GPC5: variants seen among roughly 807,000 people sequenced by gnomAD.
GPC5 encodes glypican-5.
Under a neutral mutation model 53.9 loss-of-function variants are expected in GPC5, and 47 were observed. The ratio of observed to expected loss-of-function variants is 0.87; its 90% CI spans 0.69 to 1.11. The LOEUF (loss-of-function observed/expected upper bound fraction) is 1.11, where lower values mean the gene tolerates loss of function less well. GPC5 is among the 50% of genes most tolerant of loss of function. The probability of loss-of-function intolerance (pLI) is 0.00; values close to 1 mark genes in which losing one functional copy is unlikely to be tolerated. For synonymous variants in GPC5, 286 were observed against 263.3 expected, an observed-to-expected ratio of 1.09 and a Z score of -0.84; for missense variants, 748 against 713.1, an observed-to-expected ratio of 1.05 and a Z score of -0.56.
At chr13:91,951,361 A>G (rs1221256521) in intron 6 of GPC5, among the ~76,000 whole-genome samples, 3 of 152,120 alleles carry the variant, frequency 2.0e-5, no homozygotes, top group Non-Finnish European at 4.4e-5. Flanking sequence ...GTGTGAATAT[A>G]TGTATTATGT....
At chr13:92,597,812 T>C (rs889893361) in intron 7 of GPC5, among the ~76,000 whole-genome samples, 2 of 152,244 alleles carry the variant, frequency 1.3e-5, no homozygotes, top group Non-Finnish European at 2.9e-5. Flanking sequence ...AAATACTTTT[T>C]ACTGTGGCAT....
chr13:91,684,740 C>T (rs1344042093), intron 2 of GPC5, among the ~76,000 whole-genome samples: 1 of 152,192 alleles, frequency 6.6e-6, no homozygotes, highest in Non-Finnish European at 1.5e-5. Flanking sequence ...TCCTTTAAGA[C>T]ATGAACAGCA....
chr13:92,306,755 C>T (rs185433212), intron 7 of GPC5, among the ~76,000 whole-genome samples: 29 of 152,168 alleles, frequency 1.9e-4, no homozygotes, highest in African/African-American at 6.8e-4. Flanking sequence ...TTTAGTTCAT[C>T]AGTTACTGTG....
At chr13:92,208,909 C>T (rs1349141818) in intron 7 of GPC5, among the ~76,000 whole-genome samples, 1 of 152,106 alleles carries the variant, frequency 6.6e-6, no homozygotes, top group Non-Finnish European at 1.5e-5. Context: ...AAAGCACATC[C>T]TTTTCAAGTT....
At chr13:91,806,141 T>C (rs1428750167) in intron 5 of GPC5, among the ~76,000 whole-genome samples, 1 of 148,976 alleles carries the variant, frequency 6.7e-6, no homozygotes, top group Non-Finnish European at 1.5e-5. Context: ...ATTCAAGCGG[T>C]TCTCATACCT....
intron 6 of GPC5, among the ~76,000 whole-genome samples, chr13:92,006,958 T>C (rs2040612677): frequency 7.1e-6 from 1 of 141,066 alleles, no homozygotes; most frequent in South Asian, 2.1e-4. Context: ...TGAATTCTGC[T>C]TTAATTACAT....
At chr13:92,510,064 G>T (rs1880510108) in intron 7 of GPC5, 2 of 151,936 alleles carry the variant, frequency 1.3e-5, no homozygotes, top group East Asian at 1.9e-4. Flanking sequence ...TAATCCAAGG[G>T]TTACTTAGAA....
intron 7 of GPC5, chr13:92,241,191 T>G (rs1278786280): frequency 6.6e-6 from 1 of 152,128 alleles, no homozygotes; most frequent in Non-Finnish European, 1.5e-5. Flanking sequence ...TAAAAGAAGA[T>G]GAACATCAGT....
intron 5 of GPC5, among the ~76,000 whole-genome samples, chr13:91,877,071 G>A (rs1422680958): frequency 6.6e-6 from 1 of 152,232 alleles, no homozygotes; most frequent in Non-Finnish European, 1.5e-5. Flanking sequence ...AAGAATTGAG[G>A]TTTGGGGACC....
chr13:92,665,077 T>C (rs1188290174), intron 7 of GPC5, among the ~76,000 whole-genome samples: 5 of 152,162 alleles, frequency 3.3e-5, no homozygotes, highest in African/African-American at 1.2e-4. Context: ...AAAATATAGA[T>C]ACACGGAAAA....
chr13:91,731,894 G>A (rs1357031970), intron 4 of GPC5, among the ~76,000 whole-genome samples: 1 of 152,080 alleles, frequency 6.6e-6, no homozygotes, highest in Non-Finnish European at 1.5e-5. Context: ...GTATTCCATG[G>A]TGTATATGTA....
intron 7 of GPC5, among the ~76,000 whole-genome samples, chr13:92,407,806 AT>A (rs1274965930): frequency 1.3e-5 from 2 of 152,178 alleles, no homozygotes; most frequent in Non-Finnish European, 2.9e-5. Flanking sequence ...GATTAGTCTG[AT>A]TTTATTATAT....
At chr13:92,645,582 A>G (rs1219448774) in intron 7 of GPC5, among the ~76,000 whole-genome samples, 1 of 152,194 alleles carries the variant, frequency 6.6e-6, no homozygotes, top group East Asian at 1.9e-4. Context: ...AAGTGCATGT[A>G]TGAATTTATA....
At chr13:92,229,186 G>A (rs1015536434) in intron 7 of GPC5, among the ~76,000 whole-genome samples, 2 of 152,076 alleles carry the variant, frequency 1.3e-5, no homozygotes, top group African/African-American at 4.8e-5. Flanking sequence ...AAGTGGGGAA[G>A]TGAGGTACAA....
rs549416773 is a variant in GPC5, at chr13:92,539,513, GTTGT to G, written c.1562-326766_1562-326763del. Among the ~76,000 whole-genome samples, 12 of 152,068 alleles carry G rather than the reference GTTGT, an allele frequency of 7.9e-5. No homozygotes were observed. The South Asian group carries it at 1.9e-3, about 24-fold the overall frequency. On this transcript the variant is annotated intron_variant, in intron 7 of 7. Transcript: ENST00000377067. ...TATCCTTTGTGCACTTTTTGATGGG[GTTGT>G]TTATTTTTTTCTTGTAAATTTGTTT... is the stretch of plus-strand genomic sequence containing the variant.
At chr13:91,770,146 AT>A (rs1315365806) in intron 5 of GPC5, among the ~76,000 whole-genome samples, 1 of 152,146 alleles carries the variant, frequency 6.6e-6, no homozygotes, top group East Asian at 1.9e-4. Context: ...ATTATAAAGG[AT>A]GCAATTCATG....
At chr13:92,642,204 T>G (rs749674860) in intron 7 of GPC5, among the ~76,000 whole-genome samples, 1 of 152,186 alleles carries the variant, frequency 6.6e-6, no homozygotes, top group Non-Finnish European at 1.5e-5. Context: ...CCACCTACAT[T>G]AGGTTGGTGA....
At chr13:91,481,172 G>C (rs1407023283) in intron 2 of GPC5, among the ~76,000 whole-genome samples, 1 of 151,988 alleles carries the variant, frequency 6.6e-6, no homozygotes, top group East Asian at 1.9e-4. Flanking sequence ...AATGTCTTGT[G>C]GTGAGCATTC....
chr13:92,585,424 A>G (rs1356531591), intron 7 of GPC5, among the ~76,000 whole-genome samples: 6 of 152,176 alleles, frequency 3.9e-5, no homozygotes, highest in African/African-American at 1.2e-4. Flanking sequence ...GTTTCAGCCA[A>G]TGCCTCCCAT....
Sources: gnomAD v4.1 joint callset for allele counts (sites outside exome capture counted in the v4.1 genomes callset) on GRCh38, gnomAD v4.1.1 for gene constraint, MANE v1.5 for transcripts, NCBI Gene and HGNC (gene_info 2026-07-23, HGNC 2026-07-21) for gene names.